AMBRA1: variants seen among roughly 807,000 people sequenced by gnomAD.
The protein encoded by AMBRA1 is activating molecule in BECN1-regulated autophagy protein 1.
A neutral mutation model predicts 125.4 loss-of-function variants in AMBRA1; 47 were observed. That is an observed-to-expected ratio of 0.37 (90% confidence interval 0.30 to 0.48). AMBRA1 has a LOEUF of 0.48. AMBRA1 is among the 20% of genes least tolerant of loss of function. The probability of loss-of-function intolerance (pLI) is 0.99; values close to 1 mark genes in which losing one functional copy is unlikely to be tolerated. For missense variants in AMBRA1, 1,331 were observed against 1,693.4 expected (o/e 0.79, Z 3.76); for synonymous variants, 626 against 655.5 (o/e 0.95, Z 0.69).
chr11:46,549,888 G>A (rs944305589), intron 1 of AMBRA1, among the ~76,000 whole-genome samples: 2 of 152,026 alleles, frequency 1.3e-5, no homozygotes, highest in Non-Finnish European at 2.9e-5. Flanking sequence ...GCGCAATCTC[G>A]GCTCACTGCA....
chr11:46,443,555 A>T lies in AMBRA1; in HGVS notation c.2565T>A (p.Ile855=). 1 of 1,614,196 alleles carries T rather than the reference A, an allele frequency of 6.2e-7. No individual in the cohort carries two copies. The highest frequency in any genetic ancestry group is 8.5e-7 in the Non-Finnish European group (1 of 1,180,036). Residue 855 remains isoleucine, a synonymous_variant, in exon 12 of 18, where the codon ATT becomes ATA. Coordinates refer to ENST00000683756, the MANE Select transcript of AMBRA1 (RefSeq NM_001387011.1). Reference sequence around the variant, plus strand: ...ACTGGAGCCGGTAGGTAGTATTGGCAATGTTACTGGCCACAGCAGACTGTC... The same window carrying T: ...ACTGGAGCCGGTAGGTAGTATTGGCTATGTTACTGGCCACAGCAGACTGTC... ...GDGQSAVASN[I]ANTTYRLQWW...
At chr11:46,423,866 C>G (rs142999403) in intron 14 of AMBRA1, among the ~76,000 whole-genome samples, 6,378 of 148,494 alleles carry the variant, frequency 0.043, 465 homozygotes, top group African/African-American at 0.15. Flanking sequence ...TGGGTTCAAG[C>G]GATTCTCCTG....
chr11:46,440,306 G>C (rs1317552931), intron 12 of AMBRA1, among the ~76,000 whole-genome samples: 1 of 152,102 alleles, frequency 6.6e-6, no homozygotes, highest in African/African-American at 2.4e-5. Context: ...ATACTGTAAA[G>C]AAAAAGGGCA....
intron 15 of AMBRA1, among the ~76,000 whole-genome samples, chr11:46,412,720 A>G (rs1183850923): frequency 6.6e-6 from 1 of 152,030 alleles, no homozygotes; most frequent in East Asian, 1.9e-4. Flanking sequence ...CTAAACAGCC[A>G]TTTTTGTGGG....
chr11:46,413,255 A>G (rs1467804376), intron 15 of AMBRA1, among the ~76,000 whole-genome samples: 1 of 152,164 alleles, frequency 6.6e-6, no homozygotes, highest in Non-Finnish European at 1.5e-5. Flanking sequence ...CTGCCAACAG[A>G]ACAGGGGCCG....
At chr11:46,481,576 T>C (rs1950071228) in intron 11 of AMBRA1, among the ~76,000 whole-genome samples, 1 of 152,162 alleles carries the variant, frequency 6.6e-6, no homozygotes, top group African/African-American at 2.4e-5. Context: ...TTGGTCAGGC[T>C]GGTCTCGAAC....
intron 7 of AMBRA1, among the ~76,000 whole-genome samples, chr11:46,516,200 A>G (rs1227476224): frequency 1.3e-5 from 2 of 152,130 alleles, no homozygotes; most frequent in Non-Finnish European, 2.9e-5. Context: ...AGCCACATAT[A>G]TATGTCACTT....
At position 46,572,299 on chromosome 11, in the gene AMBRA1, C is replaced by CA. The variant is rs982452418; in HGVS notation, c.-121+21528dup. Among the ~76,000 whole-genome samples, 239 of 144,322 alleles carry CA rather than the reference C, an allele frequency of 1.7e-3. 3 individuals are homozygous for CA. Among genetic ancestry groups the CA allele is most frequent in the African/African-American group, 3.8e-3 (152 of 39,550 alleles). The allele number at this position is 144,322 out of a possible 152,430, so 94.7% of individuals were successfully genotyped here. On this transcript the variant is annotated intron_variant, in intron 1 of 17. Coordinates refer to ENST00000683756, the MANE Select transcript of AMBRA1 (RefSeq NM_001387011.1). ...CTGGTGATAGAGCGAGATTCCATCT[C>CA]AAAAAAAAAAAGTTAGATTCACTTG... is the stretch of plus-strand genomic sequence containing the variant.
At chr11:46,477,086 G>A (rs1949845292) in intron 11 of AMBRA1, among the ~76,000 whole-genome samples, 1 of 150,384 alleles carries the variant, frequency 6.6e-6, no homozygotes, top group Non-Finnish European at 1.5e-5. Flanking sequence ...ACTCCAGCCT[G>A]GGCAAGACTG....
chr11:46,542,390 G>C lies in AMBRA1; in HGVS notation c.1627C>G (p.Pro543Ala), dbSNP rs140796587. Residue 543 changes from proline (P) to alanine (A), a missense_variant, in exon 7 of 18, where the codon CCA (proline) becomes GCA (alanine). Transcript: ENST00000683756. This position sits in a 1 kb window ranked among gnomAD's most constrained non-coding sequence, Gnocchi z 5.9. ...GGGGTGGGCTGGTGGGAAGGGCCTGGCCTCTCAGATTCAATGTTATTGTTG... is the reference window on the plus strand; with the variant it reads ...GGGGTGGGCTGGTGGGAAGGGCCTGCCCTCTCAGATTCAATGTTATTGTTG... ...MLNNNIESERPGPSHQPTPHS... is the reference protein window; with the variant it reads ...MLNNNIESERAGPSHQPTPHS... 6 of 1,613,952 alleles carry C rather than the reference G, an allele frequency of 3.7e-6. No individual in the cohort carries two copies. The highest frequency in any genetic ancestry group is 5.1e-6 in the Non-Finnish European group (6 of 1,180,038).
intron 11 of AMBRA1, among the ~76,000 whole-genome samples, chr11:46,454,051 C>T (rs1220885395): frequency 1.3e-5 from 2 of 152,122 alleles, no homozygotes; most frequent in East Asian, 3.9e-4. Context: ...ACTTTAGGGG[C>T]AGACCTGAGA....
rs1565275270 is a variant in AMBRA1 at position 46,543,085 on chromosome 11, C to G, written c.932G>C (p.Cys311Ser). The part of the protein sequence containing the change: ...CCQHLGILCL[C>S]SRCSGTRVPS... ...AACTCGAGTGCCAGAGCAGCGGCTG[C>G]AAAGGCACAGGATCCCAAGGTGCTG... The change falls in exon 7 of 18, where the codon TGC becomes TCC. Residue 311 changes from cysteine to serine, a missense_variant. This residue lies in a region of AMBRA1 where 689 missense variants were observed against 776.5 expected (regional missense o/e 0.89). Transcript: ENST00000683756. 6.3e-7 allele frequency: 1 copy of G among 1,592,394 alleles called. No homozygotes were observed. Among genetic ancestry groups the G allele is most frequent in the Admixed American group, 1.7e-5 (1 of 57,956 alleles).
chr11:46,532,162 T>C (rs1952245689), intron 7 of AMBRA1, among the ~76,000 whole-genome samples: 1 of 152,104 alleles, frequency 6.6e-6, no homozygotes, highest in Non-Finnish European at 1.5e-5. Context: ...TACTTTCTTA[T>C]GAAGAGGCAA....
chr11:46,534,034 C>T (rs1952345723), intron 7 of AMBRA1, among the ~76,000 whole-genome samples: 1 of 151,128 alleles, frequency 6.6e-6, no homozygotes. Context: ...GTAACCTTAT[C>T]AAACCTTTTT....
chr11:46,566,052 G>A (rs544119605), intron 1 of AMBRA1, among the ~76,000 whole-genome samples: 1 of 152,214 alleles, frequency 6.6e-6, no homozygotes, highest in East Asian at 1.9e-4. Context: ...TGCCCAGCCA[G>A]ATGTCTTTCA....
At chr11:46,503,688 C>A (rs1950927541) in intron 9 of AMBRA1, among the ~76,000 whole-genome samples, 1 of 151,992 alleles carries the variant, frequency 6.6e-6, no homozygotes, top group Non-Finnish European at 1.5e-5. Flanking sequence ...GAAAAGAGGA[C>A]CCAAATATAA....
intron 1 of AMBRA1, among the ~76,000 whole-genome samples, chr11:46,567,689 C>T (rs1025895501): frequency 2.6e-5 from 4 of 151,922 alleles, no homozygotes; most frequent in Non-Finnish European, 4.4e-5. Flanking sequence ...GACTTTTGCA[C>T]TTCTGATGAC....
chr11:46,537,098 T>A (rs1238214702), intron 7 of AMBRA1, among the ~76,000 whole-genome samples: 2 of 152,210 alleles, frequency 1.3e-5, no homozygotes, highest in Non-Finnish European at 2.9e-5. Context: ...ATCAATGTAG[T>A]TCTATGGGCA....
At chr11:46,403,509 A>G (rs900441948) in intron 17 of AMBRA1, among the ~76,000 whole-genome samples, 1 of 152,114 alleles carries the variant, frequency 6.6e-6, no homozygotes, top group African/African-American at 2.4e-5. Flanking sequence ...CATTAATTCC[A>G]TGCTTGCCCT....
Sources: allele counts gnomAD v4.1 joint callset (sites outside exome capture counted in the v4.1 genomes callset), GRCh38; gene constraint gnomAD v4.1.1; regional missense constraint gnomAD v4.1.1; non-coding constraint Gnocchi (gnomAD v3.1); transcripts MANE v1.5; gene names NCBI Gene and HGNC (gene_info 2026-07-23, HGNC 2026-07-21).